ADRA1B: variants seen among roughly 807,000 people sequenced by gnomAD.
ADRA1B encodes adrenoceptor alpha 1B.
ADRA1B carries 17 observed loss-of-function variants against 17.9 expected under a neutral mutation model. The observed-to-expected ratio is 0.95, with a 90% CI of 0.65 to 1.42. The LOEUF (loss-of-function observed/expected upper bound fraction) is 1.42, where lower values mean the gene tolerates loss of function less well. Ranked by LOEUF, ADRA1B falls within the 40% of genes most tolerant of loss-of-function variation. The probability of loss-of-function intolerance (pLI) is 0.00; values close to 1 mark genes in which losing one functional copy is unlikely to be tolerated. For missense variants in ADRA1B, 681 were observed against 722.1 expected, an observed-to-expected ratio of 0.94 and a Z score of 0.65; for synonymous variants, 366 against 327.6, an observed-to-expected ratio of 1.12 and a Z score of -1.27.
At chr5:159,880,346 C>G (rs1166779369) in intron 1 of ADRA1B, among the ~76,000 whole-genome samples, 1 of 152,240 alleles carries the variant, frequency 6.6e-6, no homozygotes, top group Admixed American at 6.5e-5. Context: ...CAGGCACTTA[C>G]TAAGTGCCAC....
chr5:159,941,851 A>C (rs1261266928), intron 1 of ADRA1B, among the ~76,000 whole-genome samples: 1 of 152,020 alleles, frequency 6.6e-6, no homozygotes, highest in Non-Finnish European at 1.5e-5. Flanking sequence ...AGAGAGAGAA[A>C]GTAGATGAGT....
chr5:159,936,702 G>A (rs1442093664), intron 1 of ADRA1B, among the ~76,000 whole-genome samples: 1 of 152,016 alleles, frequency 6.6e-6, no homozygotes, highest in Admixed American at 6.6e-5. Context: ...GAACTGGCGT[G>A]GCTGTAAATA....
At chr5:159,971,202 T>C (rs1755858655) in intron 1 of ADRA1B, among the ~76,000 whole-genome samples, 1 of 152,232 alleles carries the variant, frequency 6.6e-6, no homozygotes, top group Admixed American at 6.5e-5. Flanking sequence ...CTACTTTCCA[T>C]TGCCCATGTT....
At chr5:159,887,643 T>A (rs982616543) in intron 1 of ADRA1B, among the ~76,000 whole-genome samples, 4 of 152,248 alleles carry the variant, frequency 2.6e-5, no homozygotes, top group Admixed American at 2.0e-4. Context: ...TCATATTTGG[T>A]TGGTTTTGGA....
At chr5:159,870,532 A>T (rs556618591) in intron 1 of ADRA1B, 1 of 152,212 alleles carries the variant, frequency 6.6e-6, no homozygotes, top group Non-Finnish European at 1.5e-5. Context: ...AATGTCAAAA[A>T]ATTCTGCAAG....
At chr5:159,947,850 C>A in intron 1 of ADRA1B, 2 of 985,392 alleles carry the variant, frequency 2.0e-6, no homozygotes, top group South Asian at 4.7e-5. Context: ...GAGAAAGGAG[C>A]CAGCAATTAG....
intron 1 of ADRA1B, among the ~76,000 whole-genome samples, chr5:159,925,911 C>G (rs1754633964): frequency 6.6e-6 from 1 of 152,172 alleles, no homozygotes; most frequent in Admixed American, 6.5e-5. Context: ...AGGGCCCCTG[C>G]TCAGGTCGTG....
chr5:159,877,582 G>C (rs1753817203), intron 1 of ADRA1B, among the ~76,000 whole-genome samples: 1 of 152,090 alleles, frequency 6.6e-6, no homozygotes, highest in Non-Finnish European at 1.5e-5. Context: ...CTAGGGCAGT[G>C]GTCACAAAAA....
chr5:159,902,923 G>GAGTC (rs1281922755), intron 1 of ADRA1B, among the ~76,000 whole-genome samples: 1 of 152,138 alleles, frequency 6.6e-6, no homozygotes, highest in African/African-American at 2.4e-5. Context: ...CCCTCCTGAT[G>GAGTC]AGTCATACAG....
intron 1 of ADRA1B, among the ~76,000 whole-genome samples, chr5:159,866,405 A>T (rs1454533311): frequency 1.3e-5 from 2 of 151,786 alleles, no homozygotes; most frequent in Non-Finnish European, 2.9e-5. Context: ...TGGCCAAAAT[A>T]GTGAAACCCC....
rs373533035 is a variant in ADRA1B at position 159,927,552 on chromosome 5, G to GAC, written c.949+9703_949+9704dup. Among the ~76,000 whole-genome samples, 656 of 152,236 alleles carry GAC rather than the reference G, an allele frequency of 4.3e-3. 7 individuals carry two copies. Among genetic ancestry groups the GAC allele is most frequent in the African/African-American group, 0.015 (614 of 41,536 alleles). ...GCCCCAGCTTTGCGAATGCTCTGAA[G>GAC]ACACACTGGGTCTTTCTGTTGGGTA... On this transcript the variant is annotated intron_variant, in intron 1 of 1. Coordinates refer to ENST00000306675, the MANE Select transcript of ADRA1B (RefSeq NM_000679.4).
intron 1 of ADRA1B, among the ~76,000 whole-genome samples, chr5:159,879,938 G>A (rs1048669659): frequency 6.6e-6 from 1 of 152,156 alleles, no homozygotes; most frequent in Non-Finnish European, 1.5e-5. Flanking sequence ...GGAGGTTGCA[G>A]TGAACTGAGA....
chr5:159,882,111 T>A (rs1475307608), intron 1 of ADRA1B, among the ~76,000 whole-genome samples: 1 of 152,176 alleles, frequency 6.6e-6, no homozygotes, highest in Non-Finnish European at 1.5e-5. Flanking sequence ...ATGTGTGCAG[T>A]GCTGAGGCTT....
intron 1 of ADRA1B, among the ~76,000 whole-genome samples, chr5:159,926,165 T>A (rs138708849): frequency 7.4e-4 from 113 of 152,314 alleles, no homozygotes; most frequent in Non-Finnish European, 1.4e-3. Context: ...ACACTTTGCA[T>A]TTTCTTTTTT....
At chr5:159,903,184 T>C (rs1350298860) in intron 1 of ADRA1B, among the ~76,000 whole-genome samples, 1 of 152,100 alleles carries the variant, frequency 6.6e-6, no homozygotes, top group Non-Finnish European at 1.5e-5. Flanking sequence ...CAAGAGGCCC[T>C]GAAAAGCATC....
At chr5:159,889,825 C>T (rs1247940281) in intron 1 of ADRA1B, among the ~76,000 whole-genome samples, 2 of 152,240 alleles carry the variant, frequency 1.3e-5, no homozygotes, top group Non-Finnish European at 2.9e-5. Flanking sequence ...TCTAGAATAA[C>T]TGTCTGTTGC....
At chr5:159,954,308 T>A (rs1372449553) in intron 1 of ADRA1B, among the ~76,000 whole-genome samples, 1 of 152,200 alleles carries the variant, frequency 6.6e-6, no homozygotes, top group Non-Finnish European at 1.5e-5. Context: ...GTGAGGGCTG[T>A]CTTCCAAGTT....
rs1250159575 is a variant in ADRA1B, at chr5:159,972,745, CCTCT to C, written c.*254_*257del. ...CCGCCGGGATTTACCTCTCTCTCTC[CCTCT>C]GTGTATATATAAACGAGTCCCTCTC... On this transcript the variant is annotated 3_prime_UTR_variant, in exon 2 of 2. Coordinates refer to ENST00000306675, the MANE Select transcript of ADRA1B (RefSeq NM_000679.4). Among the ~76,000 whole-genome samples, 4 of 152,240 alleles carry C rather than the reference CCTCT, an allele frequency of 2.6e-5. No individual in the cohort carries two copies. The highest frequency in any genetic ancestry group is 2.0e-4 in the Admixed American group (3 of 15,290).
At position 159,957,060 on chromosome 5, in the gene ADRA1B, T is replaced by TG. The variant is rs200430541; in HGVS notation, c.950-14815dup. On this transcript the variant is annotated intron_variant, in intron 1 of 1. Coordinates refer to ENST00000306675, the MANE Select transcript of ADRA1B (RefSeq NM_000679.4). ...GGTAATTTTGTATTTTTAGTAGAGA[T>TG]GGGGTTTCACCATGTTGGCCAGGCT... Among the ~76,000 whole-genome samples, 6 of 152,110 alleles carry TG rather than the reference T, an allele frequency of 3.9e-5. No homozygotes were observed. In the East Asian group the frequency reaches 1.2e-3, roughly 30 times the overall value.
Sources: allele counts gnomAD v4.1 joint callset (sites outside exome capture counted in the v4.1 genomes callset), GRCh38; gene constraint gnomAD v4.1.1; transcripts MANE v1.5; gene names NCBI Gene and HGNC (gene_info 2026-07-23, HGNC 2026-07-21).